LINC00305: variants seen among roughly 807,000 people sequenced by gnomAD.
LINC00305 encodes long intergenic non-protein coding RNA 305.
chr18:64,135,466 C>A (rs892073042), intron 1 of LINC00305, among the ~76,000 whole-genome samples: 1 of 152,148 alleles, frequency 6.6e-6, no homozygotes. Flanking sequence ...ATGGTTTTGG[C>A]ATAAAGGGAG....
At chr18:64,115,186 T>A (rs1234072899) in intron 1 of LINC00305, among the ~76,000 whole-genome samples, 1 of 152,188 alleles carries the variant, frequency 6.6e-6, no homozygotes, top group Non-Finnish European at 1.5e-5. Context: ...CACATTTCAT[T>A]AGCACTAATT....
intron 3 of LINC00305, among the ~76,000 whole-genome samples, chr18:64,087,293 T>C (rs1469839076): frequency 6.6e-6 from 1 of 152,200 alleles, no homozygotes; most frequent in Non-Finnish European, 1.5e-5. Flanking sequence ...TTATGCATCA[T>C]ATTGCATAGT....
intron 1 of LINC00305, among the ~76,000 whole-genome samples, chr18:64,125,127 T>C (rs1156402309): frequency 2.0e-5 from 3 of 152,160 alleles, no homozygotes; most frequent in Non-Finnish European, 4.4e-5. Flanking sequence ...GAAATCTTGC[T>C]AAGACATGAA....
intron 1 of LINC00305, among the ~76,000 whole-genome samples, chr18:64,117,163 G>A (rs917799963): frequency 1.1e-4 from 17 of 152,114 alleles, no homozygotes; most frequent in African/African-American, 3.4e-4. Context: ...TAGAGGCCCT[G>A]TTTTACAGGG....
chr18:64,115,984 C>T (rs958046479), intron 1 of LINC00305, among the ~76,000 whole-genome samples: 1 of 152,166 alleles, frequency 6.6e-6, no homozygotes, highest in African/African-American at 2.4e-5. Context: ...ATGTACTTTT[C>T]CATTGGGTAA....
At chr18:64,104,616 T>C (rs2144243369) in intron 1 of LINC00305, among the ~76,000 whole-genome samples, 1 of 152,298 alleles carries the variant, frequency 6.6e-6, no homozygotes, top group Admixed American at 6.5e-5. Context: ...GTACAGCAGA[T>C]TTTGTTTTCT....
chr18:64,118,565 CCT>C (rs1279200373), intron 1 of LINC00305, among the ~76,000 whole-genome samples: 1 of 152,034 alleles, frequency 6.6e-6, no homozygotes, highest in Non-Finnish European at 1.5e-5. Flanking sequence ...TTGGATTACC[CCT>C]GACACTGTGT....
At chr18:64,142,434 T>C (rs1315978571) in intron 1 of LINC00305, among the ~76,000 whole-genome samples, 1 of 152,046 alleles carries the variant, frequency 6.6e-6, no homozygotes, top group Non-Finnish European at 1.5e-5. Context: ...TACCAGAGGA[T>C]TGTGAGCCTC....
At chr18:64,140,956 C>T (rs1488467895) in intron 1 of LINC00305, among the ~76,000 whole-genome samples, 6 of 147,548 alleles carry the variant, frequency 4.1e-5, no homozygotes, top group South Asian at 2.2e-4. Context: ...ACTTTGGAAG[C>T]GGAGAGTGGC....
chr18:64,117,871 C>T (rs1443899364), intron 1 of LINC00305, among the ~76,000 whole-genome samples: 1 of 152,136 alleles, frequency 6.6e-6, no homozygotes, highest in Non-Finnish European at 1.5e-5. Flanking sequence ...GCAAAGGAAA[C>T]GATCCACGAT....
intron 1 of LINC00305, among the ~76,000 whole-genome samples, chr18:64,145,043 T>A (rs995205542): frequency 1.1e-4 from 17 of 152,128 alleles, no homozygotes; most frequent in Non-Finnish European, 2.5e-4. Flanking sequence ...TAAGGCATAC[T>A]CCCTTCTGAG....
At chr18:64,088,398 G>C (rs2051212428) in intron 3 of LINC00305, among the ~76,000 whole-genome samples, 1 of 152,172 alleles carries the variant, frequency 6.6e-6, no homozygotes, top group Admixed American at 6.5e-5. Flanking sequence ...AATTCTTCAT[G>C]CATCTCAGTG....
intron 1 of LINC00305, among the ~76,000 whole-genome samples, chr18:64,133,171 G>A (rs8093698): frequency 0.071 from 10,736 of 152,230 alleles, 568 homozygotes; most frequent in Non-Finnish European, 0.12. Context: ...TAGGAGATGA[G>A]GTGCCAGTGG....
At chr18:64,098,916 C>A (rs1009915490) in intron 1 of LINC00305, among the ~76,000 whole-genome samples, 2 of 152,102 alleles carry the variant, frequency 1.3e-5, no homozygotes, top group Non-Finnish European at 2.9e-5. Flanking sequence ...TGACAAGGAG[C>A]ATTGAAGTTT....
intron 3 of LINC00305, among the ~76,000 whole-genome samples, chr18:64,087,402 A>G (rs1047207197): frequency 6.6e-6 from 1 of 152,246 alleles, no homozygotes; most frequent in Non-Finnish European, 1.5e-5. Context: ...GATGGTTAGT[A>G]AAATTAAACT....
intron 1 of LINC00305, among the ~76,000 whole-genome samples, chr18:64,119,516 T>C (rs1336282619): frequency 1.3e-5 from 2 of 152,162 alleles, no homozygotes; most frequent in East Asian, 1.9e-4. Flanking sequence ...TGAGATGAAA[T>C]AGACACTGGT....
At chr18:64,081,411 A>G (rs2051184368) in intron 3 of LINC00305, among the ~76,000 whole-genome samples, 1 of 152,234 alleles carries the variant, frequency 6.6e-6, no homozygotes, top group Admixed American at 6.5e-5. Context: ...AAGGGAATAC[A>G]AGAATCAATC....
intron 1 of LINC00305, among the ~76,000 whole-genome samples, chr18:64,122,833 T>G (rs887168641): frequency 5.9e-5 from 9 of 152,046 alleles, no homozygotes; most frequent in African/African-American, 1.9e-4. Context: ...CAGGAGATGT[T>G]TTTCCATTTG....
chr18:64,121,478 A>G (rs2850710), intron 1 of LINC00305, among the ~76,000 whole-genome samples: 58,821 of 151,908 alleles, frequency 0.39, 11,726 homozygotes, highest in Non-Finnish European at 0.43. Flanking sequence ...CTTCACTTAA[A>G]ATAATGGCCT....
Sources: allele counts gnomAD v4.1 joint callset (sites outside exome capture counted in the v4.1 genomes callset), GRCh38; gene constraint gnomAD v4.1.1; transcripts MANE v1.5; gene names NCBI Gene and HGNC (gene_info 2026-07-23, HGNC 2026-07-21).